DHCR7: variants seen among roughly 807,000 people sequenced by gnomAD.
DHCR7 encodes 7-DHC reductase.
A neutral mutation model predicts 43.3 loss-of-function variants in DHCR7; 40 were observed. The ratio of observed to expected loss-of-function variants is 0.92; its 90% confidence interval spans 0.72 to 1.20. The LOEUF is 1.20. Among genes scored for constraint, DHCR7 ranks in the 50% most tolerant of loss-of-function variants. The pLI is 0.00. For synonymous variants in DHCR7, 298 were observed against 271.4 expected, an observed-to-expected ratio of 1.10 and a Z score of -0.96; for missense variants, 608 against 644.6, an observed-to-expected ratio of 0.94 and a Z score of 0.62.
At chr11:71,442,577 G>A (rs1449340150) in intron 4 of DHCR7, among the ~76,000 whole-genome samples, 1 of 152,032 alleles carries the variant, frequency 6.6e-6, no homozygotes, top group African/African-American at 2.4e-5. Context: ...GGCTCCATTC[G>A]CCCCTCAGGA....
chr11:71,427,873 G>C (rs946735132), downstream of DHCR7, among the ~76,000 whole-genome samples: 1 of 152,116 alleles, frequency 6.6e-6, no homozygotes, highest in Non-Finnish European at 1.5e-5. Flanking sequence ...GCCTTATACC[G>C]TATCCAGCCT....
At chr11:71,429,227 C>T (rs1263673863) in intron 2 of DHCR7, among the ~76,000 whole-genome samples, 2 of 152,124 alleles carry the variant, frequency 1.3e-5, no homozygotes, top group African/African-American at 2.4e-5. Context: ...ATTGCTGTGT[C>T]AATATGGGAG....
At chr11:71,443,402 G>A (rs1057174965) in intron 4 of DHCR7, among the ~76,000 whole-genome samples, 2 of 152,118 alleles carry the variant, frequency 1.3e-5, no homozygotes, top group Non-Finnish European at 2.9e-5. Context: ...TTCTAGCACC[G>A]TTTCCCTGGA....
chr11:71,430,428 A>T (rs1470673788), downstream of DHCR7, among the ~76,000 whole-genome samples: 1 of 152,220 alleles, frequency 6.6e-6, no homozygotes, highest in Non-Finnish European at 1.5e-5. Flanking sequence ...TGCAGCACCC[A>T]GGTGAGGGTG....
chr11:71,440,262 G>A (rs1949334433), intron 6 of DHCR7, among the ~76,000 whole-genome samples: 1 of 152,204 alleles, frequency 6.6e-6, no homozygotes, highest in South Asian at 2.1e-4. Flanking sequence ...ACCTGGATGA[G>A]ATGATGCATT....
At position 71,440,237 on chromosome 11, in the gene DHCR7, T is replaced by C. The variant is rs117482860; in HGVS notation, c.626+990A>G. ...GCCGGTCAGGAGCTGCGGACATTGC[T>C]CAGGCAGGAGGTTGACCTGGATGAG... On this transcript the variant is annotated intron_variant, in intron 6 of 8. Transcript: ENST00000355527. Among the ~76,000 whole-genome samples the C allele has an allele frequency of 5.0e-3, 764 of 152,298 alleles. 5 individuals are homozygous for C. Among genetic ancestry groups the C allele is most frequent in the Middle Eastern group, 0.01 (3 of 294 alleles).
At chr11:71,444,782 T>C in intron 3 of DHCR7, 73 bp downstream of exon 3, 4 of 1,384,454 alleles carry the variant, frequency 2.9e-6, no homozygotes, top group Non-Finnish European at 4.1e-6. Flanking sequence ...TTTGGGTCCA[T>C]ACAATTCCAA....
At chr11:71,431,279 G>C (rs1050890263), downstream of DHCR7, among the ~76,000 whole-genome samples, 1 of 152,242 alleles carries the variant, frequency 6.6e-6, no homozygotes, top group Non-Finnish European at 1.5e-5. Context: ...CCATCAGAGG[G>C]AAGTGCACCA....
At chr11:71,436,684 T>C (rs1172015086) in intron 8 of DHCR7, among the ~76,000 whole-genome samples, 1 of 151,898 alleles carries the variant, frequency 6.6e-6, no homozygotes, top group Non-Finnish European at 1.5e-5. Context: ...AAAAGTGACC[T>C]TCTATTTAAG....
In DHCR7 at chr11:71,439,044, G is replaced by A. The variant is rs763787299; in HGVS notation, c.666C>T (p.Gly222=). Residue 222 remains glycine, a synonymous_variant, in exon 7 of 9, where the codon GGC becomes GGT. Coordinates refer to ENST00000355527, the MANE Select transcript of DHCR7 (RefSeq NM_001360.3). ...TGNFFYNYMM[G]IEFNPRIGKW... ...TCCCGATCCGAGGGTTAAACTCGAT[G>A]CCCATCATGTAGTTGTAAAAGAAAT... The A allele has an allele frequency of 1.1e-5, 17 of 1,614,106 alleles. 1 individual carries two copies. In the South Asian group the frequency reaches 1.8e-4, roughly 17 times the overall value.
At chr11:71,433,709 C>T (rs938221676), downstream of DHCR7, among the ~76,000 whole-genome samples, 2 of 152,202 alleles carry the variant, frequency 1.3e-5, no homozygotes, top group South Asian at 2.1e-4. Flanking sequence ...AGTGACCACA[C>T]CCCAGCCTCT....
At chr11:71,443,715 C>T (rs554489379) in intron 4 of DHCR7, among the ~76,000 whole-genome samples, 1 of 152,332 alleles carries the variant, frequency 6.6e-6, no homozygotes. Flanking sequence ...GGTTTTGCTC[C>T]TATCCTCAGC....
chr11:71,437,089 G>A (rs1949290823), intron 8 of DHCR7, among the ~76,000 whole-genome samples: 1 of 152,162 alleles, frequency 6.6e-6, no homozygotes, highest in Non-Finnish European at 1.5e-5. Context: ...CCTGGTACTG[G>A]CCCCCTCTGC....
intron 2 of DHCR7, among the ~76,000 whole-genome samples, 166 bp downstream of exon 2, chr11:71,447,444 C>T (rs1326765102): frequency 6.6e-6 from 1 of 152,204 alleles, no homozygotes; most frequent in Admixed American, 6.5e-5. Context: ...TCCCAATAGA[C>T]GGCTGGGAAC....
chr11:71,441,123 C>G (rs927708671), intron 6 of DHCR7, 104 bp downstream of exon 6: 2 of 1,058,880 alleles, frequency 1.9e-6, no homozygotes, highest in African/African-American at 1.6e-5. Flanking sequence ...TCCACGGATT[C>G]TCAGTGCTCA....
downstream of DHCR7, among the ~76,000 whole-genome samples, chr11:71,427,777 C>T (rs937180952): frequency 6.6e-6 from 1 of 152,188 alleles, no homozygotes; most frequent in Non-Finnish European, 1.5e-5. Context: ...ATTTTCCCAG[C>T]AACAAGTTGT....
intron 2 of DHCR7, among the ~76,000 whole-genome samples, chr11:71,446,123 T>C (rs982153843): frequency 3.9e-5 from 6 of 151,976 alleles, no homozygotes; most frequent in Non-Finnish European, 8.8e-5. Flanking sequence ...ACAAGATGAA[T>C]GGCTAGGAAA....
rs750973099 is a variant in DHCR7, at chr11:71,438,906, A to C, written c.804T>G (p.Asn268Lys). The C allele has an allele frequency of 6.2e-7, 1 of 1,613,862 alleles. No homozygotes were observed. Among genetic ancestry groups the C allele is most frequent in the Non-Finnish European group, 8.5e-7 (1 of 1,180,016 alleles). ...KQRELHSHVT[N>K]AMVLVNVLQA... ...GCAGGACGTTGACCAGGACCATGGC[A>C]TTGGTCACATGGCTGTGGAGCTCCC... The change falls in exon 7 of 9, where the codon AAT becomes AAG. Residue 268 changes from asparagine to lysine, a missense_variant. By Grantham distance (94) the Asn-to-Lys change is moderately conservative (BLOSUM62 0). Coordinates refer to ENST00000355527, the MANE Select transcript of DHCR7 (RefSeq NM_001360.3).
intron 6 of DHCR7, among the ~76,000 whole-genome samples, chr11:71,440,088 G>T (rs192034610): frequency 1.3e-5 from 2 of 152,284 alleles, no homozygotes; most frequent in East Asian, 1.9e-4. Flanking sequence ...AGAGGAGCAG[G>T]TGGATGGATA....
Sources: gnomAD v4.1 joint callset for allele counts (sites outside exome capture counted in the v4.1 genomes callset) on GRCh38, gnomAD v4.1.1 for gene constraint, MANE v1.5 for transcripts, NCBI Gene and HGNC (gene_info 2026-07-23, HGNC 2026-07-21) for gene names.